The following RBFOX3 variants were observed in gnomAD, a reference collection of about 807,000 sequenced individuals.
RBFOX3 encodes the protein RNA binding fox-1 homolog 3.
In RBFOX3, 17 loss-of-function variants were observed where a neutral mutation model predicts 48.7. The observed-to-expected ratio is 0.35, with a 90% CI of 0.24 to 0.52. The LOEUF (loss-of-function observed/expected upper bound fraction) is 0.52, where lower values mean the gene tolerates loss of function less well. Among genes scored for constraint, RBFOX3 ranks in the 20% least tolerant of loss-of-function variants. RBFOX3 has a pLI of 0.94. For synonymous variants in RBFOX3, 212 were observed against 209.5 expected, an observed-to-expected ratio of 1.01 and a Z score of -0.10; for missense variants, 382 against 497.5, an observed-to-expected ratio of 0.77 and a Z score of 2.21.
At chr17:79,158,206 C>T (rs1220601068) in intron 4 of RBFOX3, among the ~76,000 whole-genome samples, 1 of 152,190 alleles carries the variant, frequency 6.6e-6, no homozygotes, top group African/African-American at 2.4e-5. Context: ...CAGAACCAAC[C>T]CTGCCCACAC....
At chr17:79,113,106 G>A (rs28513163) in intron 5 of RBFOX3, among the ~76,000 whole-genome samples, 28,293 of 151,890 alleles carry the variant, frequency 0.19, 2,734 homozygotes, top group East Asian at 0.24. Flanking sequence ...CTTGGGGCAG[G>A]GCCAAGGGGA....
At chr17:79,404,120 C>T (rs1345167043) in intron 2 of RBFOX3, among the ~76,000 whole-genome samples, 2 of 152,212 alleles carry the variant, frequency 1.3e-5, no homozygotes, top group African/African-American at 4.8e-5. Context: ...CACTCCTTCC[C>T]TGCCAAGGGT....
intron 14 of RBFOX3, chr17:79,091,854 T>C (rs762190884): frequency 1.5e-5 from 10 of 679,300 alleles, no homozygotes; most frequent in Non-Finnish European, 1.8e-5. Context: ...ATTTCCACTT[T>C]CTGCTGCAGC....
chr17:79,585,687 G>A lies in RBFOX3; in HGVS notation c.-320+25139C>T, dbSNP rs911891007. ...TTGGCTGAGCCCTGGTCCAGCCCAGGGAGAGTGAAGAAAGAGGATGATGCC... is the reference window on the plus strand; with the variant it reads ...TTGGCTGAGCCCTGGTCCAGCCCAGAGAGAGTGAAGAAAGAGGATGATGCC... On this transcript the variant is annotated intron_variant, in intron 1 of 14. Coordinates refer to ENST00000693108, the MANE Select transcript of RBFOX3 (RefSeq NM_001350451.2). 3.3e-4 allele frequency among the ~76,000 whole-genome samples: 50 copies of A among 152,296 alleles called. No individual in the cohort carries two copies. In the East Asian group the frequency reaches 9.6e-3, roughly 29 times the overall value.
At chr17:79,601,438 G>T in intron 1 of RBFOX3, 1 of 152,388 alleles carries the variant, frequency 6.6e-6, no homozygotes, top group East Asian at 1.9e-4. Flanking sequence ...AAGCTCCAAA[G>T]CACGCCCCCT....
intron 1 of RBFOX3, among the ~76,000 whole-genome samples, chr17:79,542,391 A>G (rs369126921): frequency 1.2e-4 from 19 of 152,334 alleles, no homozygotes; most frequent in African/African-American, 4.3e-4. Flanking sequence ...CCTAGTCCCT[A>G]GATGAGGAAA....
intron 4 of RBFOX3, among the ~76,000 whole-genome samples, chr17:79,146,468 C>T (rs1040291539): frequency 7.2e-5 from 11 of 152,342 alleles, no homozygotes; most frequent in African/African-American, 2.4e-4. Context: ...AACTCAAGAC[C>T]TGGGTTTAGT....
chr17:79,261,892 C>T (rs933592340), intron 3 of RBFOX3, among the ~76,000 whole-genome samples: 1 of 152,118 alleles, frequency 6.6e-6, no homozygotes, highest in Non-Finnish European at 1.5e-5. Context: ...TGCTCACGGC[C>T]GGCCCCGCGG....
chr17:79,251,563 C>T (rs1350396520), intron 3 of RBFOX3, among the ~76,000 whole-genome samples: 1 of 152,166 alleles, frequency 6.6e-6, no homozygotes, highest in Non-Finnish European at 1.5e-5. Flanking sequence ...TCCTTAACAC[C>T]TTCTGTACCT....
chr17:79,159,998 C>T (rs935661774), intron 4 of RBFOX3, among the ~76,000 whole-genome samples: 2 of 152,220 alleles, frequency 1.3e-5, no homozygotes, highest in Non-Finnish European at 2.9e-5. Context: ...GCAGACAAAA[C>T]GGAGGGCAGC....
chr17:79,529,757 G>A (rs1184844201), intron 1 of RBFOX3, among the ~76,000 whole-genome samples: 10 of 152,204 alleles, frequency 6.6e-5, no homozygotes, highest in Admixed American at 3.9e-4. Flanking sequence ...AGGAAGGGTC[G>A]AGGGCACTGC....
intron 1 of RBFOX3, among the ~76,000 whole-genome samples, chr17:79,517,184 G>T (rs930385536): frequency 0.01 from 1,526 of 152,212 alleles, 15 homozygotes; most frequent in Admixed American, 0.015. Context: ...AGTGGCTTAC[G>T]TCTGTAATCC....
In RBFOX3 at chr17:79,478,683, T is replaced by C. The variant is rs2078331824; in HGVS notation, c.-175+3771A>G. Among the ~76,000 whole-genome samples the C allele has an allele frequency of 2.0e-5, 3 of 152,250 alleles. No homozygotes were observed. In the South Asian group the frequency reaches 6.2e-4, roughly 32 times the overall value. On this transcript the variant is annotated intron_variant, in intron 2 of 14. Transcript: ENST00000693108. ...GGGGAAAGGAAGGGAAGGGTCAGGG[T>C]TGGAGGAGCAGATGACCCTCCTCTG...
At position 79,477,294 on chromosome 17, in the gene RBFOX3, C is replaced by T. The variant is rs1312400506; in HGVS notation, c.-175+5160G>A. Among the ~76,000 whole-genome samples the T allele has an allele frequency of 3.5e-5, 5 of 142,862 alleles. No individual in the cohort carries two copies. Among genetic ancestry groups the T allele is most frequent in the East Asian group, 4.1e-4 (2 of 4,888 alleles). The allele number at this position is 142,862 out of a possible 152,430, so 93.7% of individuals were successfully genotyped here. A position where few individuals can be genotyped will look rare whatever the true frequency, so the allele number is the denominator to read the frequency against. On this transcript the variant is annotated intron_variant, in intron 2 of 14. Transcript: ENST00000693108. This position sits in a 1 kb window ranked among gnomAD's most constrained non-coding sequence, Gnocchi z 4.8. The stretch of plus-strand genomic sequence containing the variant: ...AAAAAAAAGAGGGCGCGGTGGCTCA[C>T]ACCTGTAATCCCAGCACTTTGGGAG...
At chr17:79,251,288 G>T (rs1465953789) in intron 3 of RBFOX3, among the ~76,000 whole-genome samples, 1 of 152,090 alleles carries the variant, frequency 6.6e-6, no homozygotes, top group Non-Finnish European at 1.5e-5. Context: ...TTACTACCTG[G>T]TTACTGGTGC....
At chr17:79,505,743 T>C (rs1203633186) in intron 1 of RBFOX3, among the ~76,000 whole-genome samples, 7 of 152,222 alleles carry the variant, frequency 4.6e-5, no homozygotes, top group Admixed American at 4.6e-4. Context: ...ACTGCTCTGA[T>C]GGTCCCCACA....
At chr17:79,222,855 G>T (rs965096430) in intron 4 of RBFOX3, among the ~76,000 whole-genome samples, 8 of 152,326 alleles carry the variant, frequency 5.3e-5, no homozygotes, top group Non-Finnish European at 8.8e-5. Context: ...GCATGGGCTG[G>T]GTTGCTCTTT....
At chr17:79,104,913 G>A (rs900070470) in intron 6 of RBFOX3, among the ~76,000 whole-genome samples, 9 of 6,298 alleles carry the variant, frequency 1.4e-3, no homozygotes, top group East Asian at 0.012. Context: ...GCTGGCGTGC[G>A]GTGCTGAGCA....
At chr17:79,183,151 G>A (rs1410386829) in intron 4 of RBFOX3, 1 of 147,922 alleles carries the variant, frequency 6.8e-6, no homozygotes, top group Non-Finnish European at 1.5e-5. Context: ...GAGCGCAGCG[G>A]GGGCCACCGG....
Sources: allele counts gnomAD v4.1 joint callset (sites outside exome capture counted in the v4.1 genomes callset), GRCh38; gene constraint gnomAD v4.1.1; non-coding constraint Gnocchi (gnomAD v3.1); transcripts MANE v1.5; gene names NCBI Gene and HGNC (gene_info 2026-07-23, HGNC 2026-07-21).